Variants in NID1 observed in about 807,000 individuals in gnomAD.
The protein encoded by NID1 is nidogen-1.
A neutral mutation model predicts 130.6 loss-of-function variants in NID1; 76 were observed. The observed-to-expected ratio is 0.58, with a 90% CI of 0.48 to 0.70. NID1 has a LOEUF of 0.70. Among genes scored for constraint, NID1 ranks in the 30% least tolerant of loss-of-function variants. The pLI is 0.00. For missense variants in NID1, 1,517 were observed against 1,664.8 expected (o/e 0.91, Z 1.54); for synonymous variants, 665 against 675.1 (o/e 0.98, Z 0.23).
At chr1:235,986,308 A>T (rs1205120424) in intron 14 of NID1, among the ~76,000 whole-genome samples, 1 of 152,182 alleles carries the variant, frequency 6.6e-6, no homozygotes, top group African/African-American at 2.4e-5. Context: ...AGTCATGGGG[A>T]ATCTATAAAA....
At position 235,977,853 on chromosome 1, in the gene NID1, A is replaced by C. The variant is rs1657311186; in HGVS notation, c.*14T>G. On this transcript the variant is annotated 3_prime_UTR_variant, in exon 20 of 20. Coordinates refer to ENST00000264187, the MANE Select transcript of NID1 (RefSeq NM_002508.3). ...CTGTGAAATACTTGGAAAGGAAATA[A>C]GGCACTCTTGTCTTCATTTCTGTTC... 1 of 1,613,200 alleles carries C rather than the reference A, an allele frequency of 6.2e-7. No homozygotes were observed. The highest frequency in any genetic ancestry group is 1.7e-5 in the Admixed American group (1 of 59,830).
At chr1:236,017,046 T>C (rs1360923467) in intron 10 of NID1, 102 bp downstream of exon 10, 1 of 1,517,006 alleles carries the variant, frequency 6.6e-7, no homozygotes, top group Non-Finnish European at 9.1e-7. Flanking sequence ...CCCAGCACCT[T>C]CCAACTTGAC....
In NID1 at chr1:236,017,140, G is replaced by A. The variant is rs1658617082; in HGVS notation, c.2254+8C>T. On this transcript the variant is annotated splice_region_variant and intron_variant, in intron 10 of 19. Transcript: ENST00000264187. ...ATACTGTTTCGAAAAGTTACCTGGA[G>A]AACTTACCCACACACGTTCCCTCAT... is the stretch of plus-strand genomic sequence containing the variant. The A allele has an allele frequency of 6.2e-7, 1 of 1,614,048 alleles. No individual in the cohort carries two copies. The highest frequency in any genetic ancestry group is 8.5e-7 in the Non-Finnish European group (1 of 1,179,968).
chr1:235,978,542 G>A (rs929794069), intron 19 of NID1, among the ~76,000 whole-genome samples: 4 of 152,198 alleles, frequency 2.6e-5, no homozygotes, highest in African/African-American at 9.6e-5. Context: ...GGGTTGCTAT[G>A]AGGATTACAT....
intron 5 of NID1, among the ~76,000 whole-genome samples, chr1:236,035,569 A>T (rs1167861016): frequency 5.3e-5 from 8 of 150,782 alleles, no homozygotes; most frequent in Non-Finnish European, 1.2e-4. Context: ...GAATCGCCAC[A>T]CTGACTTCCA....
intron 9 of NID1, among the ~76,000 whole-genome samples, chr1:236,018,599 A>G (rs1446978471): frequency 6.6e-6 from 1 of 152,192 alleles, no homozygotes; most frequent in Non-Finnish European, 1.5e-5. Context: ...TGAAATGAAC[A>G]GTTACACAAG....
chr1:236,064,313 C>A (rs73116913), intron 1 of NID1, among the ~76,000 whole-genome samples: 3,269 of 152,292 alleles, frequency 0.021, 132 homozygotes, highest in African/African-American at 0.075. Context: ...GACTCTGAAA[C>A]GAGCCCAACT....
chr1:236,062,140 G>T (rs992992789), intron 1 of NID1, among the ~76,000 whole-genome samples: 3 of 152,152 alleles, frequency 2.0e-5, no homozygotes, highest in Admixed American at 2.0e-4. Flanking sequence ...TCGAAATGCA[G>T]TTTGTCTCAA....
intron 4 of NID1, among the ~76,000 whole-genome samples, chr1:236,038,872 T>TAA (rs1260950866): frequency 2.7e-4 from 25 of 93,868 alleles, no homozygotes; most frequent in African/African-American, 6.5e-4. Context: ...TCATATATAA[T>TAA]ATATATTACC....
At chr1:236,010,959 T>C (rs909722480) in intron 12 of NID1, among the ~76,000 whole-genome samples, 1 of 152,202 alleles carries the variant, frequency 6.6e-6, no homozygotes, top group African/African-American at 2.4e-5. Flanking sequence ...TGCATTCATT[T>C]ATTTCTTCAA....
chr1:235,978,125 G>C, intron 19 of NID1, 137 bp from the exon 20 acceptor site: 2 of 989,154 alleles, frequency 2.0e-6, no homozygotes, highest in East Asian at 5.1e-5. Flanking sequence ...TCAGGAGAAT[G>C]GGGACACTGT....
At chr1:236,033,308 A>G (rs957684330) in intron 5 of NID1, among the ~76,000 whole-genome samples, 2 of 152,210 alleles carry the variant, frequency 1.3e-5, no homozygotes, top group African/African-American at 4.8e-5. Flanking sequence ...ACTGTCTCAA[A>G]AAAAGAGAGA....
Position 236,025,263 on chromosome 1 carries a change from C to CT in NID1, c.1984+632dup, listed in dbSNP as rs750410998. ...CACCATGCTCGGCCCTACAATTTCT[C>CT]TTTTTTTTTTTTTTTTGAGACAGAG... On this transcript the variant is annotated intron_variant, in intron 8 of 19. Transcript: ENST00000264187. Among the ~76,000 whole-genome samples, 199 of 123,742 alleles carry CT rather than the reference C, an allele frequency of 1.6e-3. 2 individuals carry two copies. Among genetic ancestry groups the CT allele is most frequent in the Middle Eastern group, 6.0e-3 (1 of 166 alleles). 81.2% of individuals were successfully genotyped at this position (123,742 alleles called of 152,430 possible).
intron 15 of NID1, among the ~76,000 whole-genome samples, chr1:235,982,717 G>A (rs1209274515): frequency 1.3e-5 from 2 of 151,950 alleles, no homozygotes; most frequent in Admixed American, 6.6e-5. Context: ...TAATAATAAC[G>A]ATTGTGTTTT....
At chr1:235,986,111 T>C (rs1343499672) in intron 14 of NID1, among the ~76,000 whole-genome samples, 1 of 152,220 alleles carries the variant, frequency 6.6e-6, no homozygotes, top group Non-Finnish European at 1.5e-5. Context: ...TAATAGTGTT[T>C]GGAAGAGCAA....
chr1:236,051,504 T>C (rs1659763256), intron 1 of NID1, among the ~76,000 whole-genome samples: 1 of 152,234 alleles, frequency 6.6e-6, no homozygotes, highest in African/African-American at 2.4e-5. Flanking sequence ...ACTTTCTCTT[T>C]TAACCACATG....
At chr1:236,002,735 A>G (rs550976592) in intron 12 of NID1, among the ~76,000 whole-genome samples, 13 of 152,094 alleles carry the variant, frequency 8.5e-5, no homozygotes, top group Non-Finnish European at 1.8e-4. Context: ...AAAAGAAGGG[A>G]TGGAGGAACC....
At chr1:235,978,916 T>C (rs1307079556) in intron 19 of NID1, 79 bp downstream of exon 19, 11 of 944,104 alleles carry the variant, frequency 1.2e-5, no homozygotes, top group Non-Finnish European at 1.6e-5. Flanking sequence ...CTAGTGGCCA[T>C]ACGGGTAGCA....
At chr1:236,044,842 A>G (rs1471343383) in intron 3 of NID1, among the ~76,000 whole-genome samples, 1 of 104,912 alleles carries the variant, frequency 9.5e-6, no homozygotes, top group Admixed American at 9.8e-5. Flanking sequence ...CTCAGCCTTG[A>G]GATCAAAGGA....
Sources: allele counts gnomAD v4.1 joint callset (sites outside exome capture counted in the v4.1 genomes callset), GRCh38; gene constraint gnomAD v4.1.1; transcripts MANE v1.5; gene names NCBI Gene and HGNC (gene_info 2026-07-23, HGNC 2026-07-21).